Variants in COL12A1 observed in about 807,000 individuals in gnomAD.
The protein encoded by COL12A1 is collagen alpha-1(XII) chain.
In COL12A1, 114 loss-of-function variants were observed where a neutral mutation model predicts 349.7. The ratio of observed to expected loss-of-function variants is 0.33; its 90% confidence interval spans 0.28 to 0.38. The LOEUF (loss-of-function observed/expected upper bound fraction) is 0.38, where lower values mean the gene tolerates loss of function less well. COL12A1 is among the 10% of genes least tolerant of loss of function. The pLI is 1.00. For missense variants in COL12A1, 3,284 were observed against 3,756.9 expected, an observed-to-expected ratio of 0.87 and a Z score of 3.29; for synonymous variants, 1,369 against 1,329.0, an observed-to-expected ratio of 1.03 and a Z score of -0.66.
intron 2 of COL12A1, among the ~76,000 whole-genome samples, chr6:75,199,474 T>G (rs1233416190): frequency 6.6e-6 from 1 of 152,236 alleles, no homozygotes; most frequent in Non-Finnish European, 1.5e-5. Flanking sequence ...TCATTATATA[T>G]TATAAACTAT....
chr6:75,204,782 TCACA>T (rs143188469), intron 1 of COL12A1, among the ~76,000 whole-genome samples: 1 of 149,836 alleles, frequency 6.7e-6, no homozygotes, highest in Non-Finnish European at 1.5e-5. Flanking sequence ...AAAAAGAAAA[TCACA>T]CACACACACA....
At chr6:75,202,162 C>G (rs556182952) in intron 2 of COL12A1, among the ~76,000 whole-genome samples, 1 of 152,252 alleles carries the variant, frequency 6.6e-6, no homozygotes, top group Non-Finnish European at 1.5e-5. Context: ...GCCATCATCC[C>G]CCAGGCTGCT....
intron 3 of COL12A1, 26 bp downstream of exon 3, chr6:75,194,805 C>A: frequency 1.4e-6 from 2 of 1,420,492 alleles, no homozygotes; most frequent in Non-Finnish European, 2.0e-6. Flanking sequence ...ATGCTTCTGT[C>A]CTAAAACCCC....
chr6:75,169,898 C>T (rs1768534064), intron 13 of COL12A1, among the ~76,000 whole-genome samples: 1 of 152,084 alleles, frequency 6.6e-6, no homozygotes, highest in Non-Finnish European at 1.5e-5. Context: ...GCATTTCTGT[C>T]CTTATTATAA....
intron 13 of COL12A1, among the ~76,000 whole-genome samples, chr6:75,171,214 G>C (rs1768615274): frequency 6.6e-6 from 1 of 152,050 alleles, no homozygotes; most frequent in African/African-American, 2.4e-5. Flanking sequence ...ACAACAACAG[G>C]GGAAAAAAAC....
chr6:75,129,216 T>C (rs1766177187), intron 37 of COL12A1, among the ~76,000 whole-genome samples: 1 of 152,258 alleles, frequency 6.6e-6, no homozygotes, highest in South Asian at 2.1e-4. Context: ...TATCTCATTT[T>C]GATCAGAAAC....
At chr6:75,131,027 G>A (rs544347903) in intron 35 of COL12A1, 46 bp from the exon 36 acceptor site, 65 of 1,612,504 alleles carry the variant, frequency 4.0e-5, no homozygotes, top group Non-Finnish European at 5.4e-5. Context: ...CAACTCAAAT[G>A]CTTACCAAGT....
Position 75,121,450 on chromosome 6 carries a change from A to G in COL12A1, c.6947-9T>C. On this transcript the variant is annotated splice_polypyrimidine_tract_variant and intron_variant, in intron 43 of 65. Transcript: ENST00000322507. ...CTTGGCCCCTTTGCATACTGCAAAA[A>G]AAGAAAGCAGAGGAAGCCCCAAATC... The G allele has an allele frequency of 6.5e-7, 1 of 1,534,160 alleles. No homozygotes were observed. Among genetic ancestry groups the G allele is most frequent in the Non-Finnish European group, 8.8e-7 (1 of 1,132,798 alleles).
At chr6:75,154,821 C>A (rs1332338300) in intron 16 of COL12A1, among the ~76,000 whole-genome samples, 1 of 152,122 alleles carries the variant, frequency 6.6e-6, no homozygotes, top group Non-Finnish European at 1.5e-5. Flanking sequence ...AGAGTCTCTA[C>A]CCTGCCTTTC....
intron 39 of COL12A1, among the ~76,000 whole-genome samples, chr6:75,125,980 T>C (rs1367900357): frequency 6.6e-6 from 1 of 152,172 alleles, no homozygotes; most frequent in African/African-American, 2.4e-5. Flanking sequence ...CTGCATGGAA[T>C]CTATGCCCAA....
In COL12A1 at chr6:75,090,333, C is replaced by T. The variant is rs201998935; in HGVS notation, c.8753-35G>A. 6.4e-7 allele frequency: 1 copy of T among 1,572,716 alleles called. No individual in the cohort carries two copies. Among genetic ancestry groups the T allele is most frequent in the African/African-American group, 1.4e-5 (1 of 73,964 alleles). ...GAAATAAGGCTTGTTAGTAAGAAACCCAATAAAGGACGGATGAGAGAGTGA... is the reference window on the plus strand; with the variant it reads ...GAAATAAGGCTTGTTAGTAAGAAACTCAATAAAGGACGGATGAGAGAGTGA... On this transcript the variant is annotated intron_variant, in intron 62 of 65. Coordinates refer to ENST00000322507, the MANE Select transcript of COL12A1 (RefSeq NM_004370.6). The surrounding 1 kb of genome is among the most constrained non-coding windows in gnomAD (Gnocchi z 4.1).
chr6:75,097,563 A>G (rs1249322907), intron 58 of COL12A1, among the ~76,000 whole-genome samples: 1 of 152,248 alleles, frequency 6.6e-6, no homozygotes, highest in Non-Finnish European at 1.5e-5. Context: ...TTATAAATAA[A>G]ACAATTTTAA....
chr6:75,084,973 C>T lies in COL12A1; in HGVS notation c.*1574G>A. On this transcript the variant is annotated 3_prime_UTR_variant, in exon 66 of 66. Coordinates refer to ENST00000322507, the MANE Select transcript of COL12A1 (RefSeq NM_004370.6). ...CAGCTTTTGTTAACAAAGTATTTTG[C>T]AAGCATTTCAAGGGCAAAGGCAAAA... The T allele has an allele frequency of 3.5e-6, 1 of 283,000 alleles. No individual in the cohort carries two copies. Among genetic ancestry groups the T allele is most frequent in the East Asian group, 8.1e-5 (1 of 12,316 alleles). The allele number at this position is 283,000 out of a possible 1,614,324, so 17.5% of individuals were successfully genotyped here.
intron 14 of COL12A1, among the ~76,000 whole-genome samples, chr6:75,160,612 T>G (rs985861508): frequency 6.6e-5 from 10 of 152,222 alleles, no homozygotes; most frequent in African/African-American, 1.7e-4. Flanking sequence ...TCACATACAG[T>G]CGCCCTTTGG....
intron 1 of COL12A1, 118 bp from the exon 2 acceptor site, chr6:75,202,945 G>A (rs186310527): frequency 3.2e-6 from 2 of 622,504 alleles, no homozygotes; most frequent in African/African-American, 1.8e-5. Flanking sequence ...AAACCACAGG[G>A]CCTACTCCAG....
At chr6:75,202,618 A>C in intron 2 of COL12A1, 102 bp downstream of exon 2, 1 of 1,150,836 alleles carries the variant, frequency 8.7e-7, no homozygotes, top group Non-Finnish European at 1.2e-6. Context: ...GAAAGCACGA[A>C]GCGCAGGGAA....
At chr6:75,113,155 T>A in intron 51 of COL12A1, 49 bp downstream of exon 51, 2 of 953,124 alleles carry the variant, frequency 2.1e-6, no homozygotes, top group Non-Finnish European at 3.0e-6. Context: ...AATAAATTTG[T>A]TTTATATTTT....
chr6:75,151,946 A>G lies in COL12A1; in HGVS notation c.3921T>C (p.Ile1307=), dbSNP rs531318332. 5 of 1,613,910 alleles carry G rather than the reference A, an allele frequency of 3.1e-6. No individual in the cohort carries two copies. In the African/African-American group the frequency reaches 6.7e-5, roughly 22 times the overall value. The change falls in exon 20 of 66, where the codon ATT becomes ATC. Residue 1307 remains isoleucine (I), a synonymous_variant. Transcript: ENST00000322507. ...CATCGTCTTGTGATTTTCCATCAGT[A>G]ATGAGCACACCAATTTTTCGAGCTC... ...RPRARKIGVL[I]TDGKSQDDVE... is the part of the protein sequence containing the mutation.
At chr6:75,185,386 T>C (rs916823248) in intron 8 of COL12A1, among the ~76,000 whole-genome samples, 1 of 152,010 alleles carries the variant, frequency 6.6e-6, no homozygotes, top group Non-Finnish European at 1.5e-5. Context: ...TTGTGAATAA[T>C]AGAATAAAAT....
Sources: allele counts gnomAD v4.1 joint callset (sites outside exome capture counted in the v4.1 genomes callset), GRCh38; gene constraint gnomAD v4.1.1; non-coding constraint Gnocchi (gnomAD v3.1); transcripts MANE v1.5; gene names NCBI Gene and HGNC (gene_info 2026-07-23, HGNC 2026-07-21).